The following NPEPPS variants were observed in gnomAD, a reference collection of about 807,000 sequenced individuals.
NPEPPS encodes aminopeptidase puromycin sensitive.
A neutral mutation model predicts 115.5 loss-of-function variants in NPEPPS; 14 were observed. The ratio of observed to expected loss-of-function variants is 0.12; its 90% CI spans 0.08 to 0.19. The LOEUF is 0.19. NPEPPS is among the 10% of genes least tolerant of loss of function. The pLI is 1.00. For missense variants in NPEPPS, 523 were observed against 1,110.8 expected (o/e 0.47, Z 7.52); for synonymous variants, 285 against 390.6 (o/e 0.73, Z 3.19).
At chr17:47,596,648 T>C (rs577941205) in intron 13 of NPEPPS, among the ~76,000 whole-genome samples, 186 bp downstream of exon 13, 2 of 152,360 alleles carry the variant, frequency 1.3e-5, no homozygotes, top group East Asian at 1.9e-4. Context: ...GAAAACAAAA[T>C]GTTACTTGCT....
At chr17:47,598,244 G>GGGA (rs575457652) in intron 13 of NPEPPS, among the ~76,000 whole-genome samples, 133 of 152,072 alleles carry the variant, frequency 8.7e-4, no homozygotes, top group African/African-American at 3.1e-3. Flanking sequence ...AGGCCAAGGT[G>GGGA]GGAGGATTGC....
rs535674989 is a variant in NPEPPS, at chr17:47,598,795, T to G, written c.1537-881T>G. On this transcript the variant is annotated intron_variant, in intron 13 of 22. Coordinates refer to ENST00000322157, the MANE Select transcript of NPEPPS (RefSeq NM_006310.4). ...TCCAGGGGCTTTCAAGGTCTTGCTT[T>G]CTTTGTTTTCTTTTTTGTCTACAGG... is the stretch of plus-strand genomic sequence containing the variant. Among the ~76,000 whole-genome samples, 8 of 152,304 alleles carry G rather than the reference T, an allele frequency of 5.3e-5. No homozygotes were observed. In the East Asian group the frequency reaches 1.5e-3, roughly 29 times the overall value.
chr17:47,557,600 A>G (rs184238417), intron 2 of NPEPPS: 2 of 148,830 alleles, frequency 1.3e-5, no homozygotes, highest in African/African-American at 4.9e-5. Context: ...ATTCATTTAA[A>G]TATAAATTTT....
intron 1 of NPEPPS, among the ~76,000 whole-genome samples, chr17:47,524,937 C>T (rs1301932767): frequency 6.6e-6 from 1 of 150,880 alleles, no homozygotes; most frequent in Non-Finnish European, 1.5e-5. Flanking sequence ...TATATATGGA[C>T]TTCCATAGGT....
rs1912124626 is a variant in NPEPPS, at chr17:47,585,449, A to G, written c.649-51A>G. Reference sequence around the variant, plus strand: ...ACAGTTTTTGGCTGGTATTTGCTCTATGGTATTAATGTAAACCTATTTAAA... The same window carrying G: ...ACAGTTTTTGGCTGGTATTTGCTCTGTGGTATTAATGTAAACCTATTTAAA... On this transcript the variant is annotated intron_variant, in intron 5 of 22. Transcript: ENST00000322157. 6.8e-6 allele frequency: 9 copies of G among 1,329,884 alleles called. No individual in the cohort carries two copies. In the Admixed American group the frequency reaches 7.0e-5, roughly 10 times the overall value. The allele number at this position is 1,329,884 out of a possible 1,614,324, so 82.4% of individuals were successfully genotyped here.
chr17:47,618,265 C>T lies in NPEPPS; in HGVS notation c.2296-85C>T, dbSNP rs919793667. On this transcript the variant is annotated intron_variant, in intron 19 of 22. Transcript: ENST00000322157. ...TGAGAATATAGAACCTAAGTTTTAC[C>T]TTACTGGGGAAGAAGCTCATATAAT... The T allele has an allele frequency of 2.8e-5, 23 of 824,372 alleles. No homozygotes were observed. The African/African-American group carries it at 2.9e-4, about 10-fold the overall frequency. 51.1% of individuals were successfully genotyped at this position (824,372 alleles called of 1,614,324 possible). A position where few individuals can be genotyped will look rare whatever the true frequency, so the allele number is the denominator to read the frequency against.
In NPEPPS at chr17:47,622,907, C is replaced by T. The variant is rs143209825; in HGVS notation, c.*987C>T. 70 of 455,934 alleles carry T rather than the reference C, an allele frequency of 1.5e-4. No individual in the cohort carries two copies. The East Asian group carries it at 4.3e-3, about 28-fold the overall frequency. The allele number at this position is 455,934 out of a possible 1,614,324, so 28.2% of individuals were successfully genotyped here. On this transcript the variant is annotated 3_prime_UTR_variant, in exon 23 of 23. Transcript: ENST00000322157. ...CTGGCTTCTCCCGGTTCATTTTATG[C>T]GTGCGAGAAGTCAGTGGTAACTGCT...
At chr17:47,535,033 A>T (rs1908099311) in intron 1 of NPEPPS, among the ~76,000 whole-genome samples, 1 of 150,916 alleles carries the variant, frequency 6.6e-6, no homozygotes, top group Non-Finnish European at 1.5e-5. Flanking sequence ...TCACGAGGTC[A>T]GGAGATCGAG....
In NPEPPS at chr17:47,599,618, A is replaced by C. The variant is rs1033653046; in HGVS notation, c.1537-58A>C. The C allele has an allele frequency of 9.6e-6, 14 of 1,465,924 alleles. No individual in the cohort carries two copies. The African/African-American group carries it at 1.4e-4, about 15-fold the overall frequency. 90.8% of individuals were successfully genotyped at this position (1,465,924 alleles called of 1,614,324 possible). A position where few individuals can be genotyped will look rare whatever the true frequency, so the allele number is the denominator to read the frequency against. ...TGTTGTCTCCCTCCTCTTCAAAAAC[A>C]AAAACCAAAACCCCAGATGGTGTCA... On this transcript the variant is annotated intron_variant, in intron 13 of 22. Transcript: ENST00000322157.
chr17:47,543,477 T>C (rs1908935921), intron 1 of NPEPPS, among the ~76,000 whole-genome samples: 1 of 145,362 alleles, frequency 6.9e-6, no homozygotes, highest in Non-Finnish European at 1.5e-5. Context: ...ACCACAGGCC[T>C]GGCTAATTTT....
At chr17:47,544,109 T>C (rs1240443617) in intron 1 of NPEPPS, among the ~76,000 whole-genome samples, 2 of 152,124 alleles carry the variant, frequency 1.3e-5, no homozygotes, top group Non-Finnish European at 2.9e-5. Flanking sequence ...TTAGCCAGGA[T>C]GGTCTCGATC....
At chr17:47,555,656 G>T (rs1427562393) in intron 2 of NPEPPS, among the ~76,000 whole-genome samples, 8 of 151,958 alleles carry the variant, frequency 5.3e-5, no homozygotes, top group African/African-American at 1.4e-4. Flanking sequence ...CATGTATGCT[G>T]TTCTTAAGTG....
upstream of NPEPPS, among the ~76,000 whole-genome samples, chr17:47,529,953 T>TA: frequency 7.9e-6 from 1 of 126,144 alleles, no homozygotes; most frequent in African/African-American, 2.7e-5. Flanking sequence ...TTTATTTATT[T>TA]TGAGACAGAG....
intron 1 of NPEPPS, among the ~76,000 whole-genome samples, chr17:47,544,975 G>T (rs1354301078): frequency 6.7e-6 from 1 of 149,502 alleles, no homozygotes; most frequent in Non-Finnish European, 1.5e-5. Flanking sequence ...AAGGTGCCAA[G>T]ATTACAGGTG....
chr17:47,599,064 G>C lies in NPEPPS; in HGVS notation c.1537-612G>C, dbSNP rs190391076. ...GTTGCTCTTAATTCTTTTAAGAATA[G>C]GAGAGCTGTGTAACATATCTTGATT... On this transcript the variant is annotated intron_variant, in intron 13 of 22. Transcript: ENST00000322157. 2.6e-3 allele frequency among the ~76,000 whole-genome samples: 390 copies of C among 152,270 alleles called. 1 individual carries two copies. Among genetic ancestry groups the C allele is most frequent in the Non-Finnish European group, 3.7e-3 (254 of 68,032 alleles).
At chr17:47,567,842 C>CT (rs1910928678) in intron 2 of NPEPPS, among the ~76,000 whole-genome samples, 1 of 151,706 alleles carries the variant, frequency 6.6e-6, no homozygotes. Flanking sequence ...TATTTCATTT[C>CT]TTTTTATTGT....
At chr17:47,599,519 C>T (rs1036664921) in intron 13 of NPEPPS, among the ~76,000 whole-genome samples, 157 bp from the exon 14 acceptor site, 4 of 152,158 alleles carry the variant, frequency 2.6e-5, no homozygotes, top group African/African-American at 7.2e-5. Context: ...TTAGTATTAC[C>T]GTCTTCATCA....
rs570150248 is a variant in NPEPPS, at chr17:47,605,585, G to A, written c.2095+33G>A. The stretch of plus-strand genomic sequence containing the variant: ...ATATACTAAATGGAGAAAGAATTAC[G>A]CAGAAGTTGGTACTTTTTTATGTGG... On this transcript the variant is annotated intron_variant, in intron 17 of 22. Coordinates refer to ENST00000322157, the MANE Select transcript of NPEPPS (RefSeq NM_006310.4). 231 of 1,327,712 alleles carry A rather than the reference G, an allele frequency of 1.7e-4. No individual in the cohort carries two copies. The Admixed American group carries it at 3.8e-3, about 22-fold the overall frequency. 82.2% of individuals were successfully genotyped at this position (1,327,712 alleles called of 1,614,324 possible).
chr17:47,567,104 AT>A (rs764439102), intron 2 of NPEPPS, among the ~76,000 whole-genome samples: 19 of 152,110 alleles, frequency 1.2e-4, no homozygotes, highest in Non-Finnish European at 1.5e-4. Context: ...AACCAAACAA[AT>A]TTAGGAGCTA....
Sources: gnomAD v4.1 joint callset for allele counts (sites outside exome capture counted in the v4.1 genomes callset) on GRCh38, gnomAD v4.1.1 for gene constraint, MANE v1.5 for transcripts, NCBI Gene and HGNC (gene_info 2026-07-23, HGNC 2026-07-21) for gene names.